Variants in EIF4ENIF1 observed in about 807,000 individuals in gnomAD.
EIF4ENIF1 encodes eukaryotic translation initiation factor 4E nuclear import factor 1.
EIF4ENIF1 carries 23 observed loss-of-function variants against 110.5 expected under a neutral mutation model. That is an observed-to-expected ratio of 0.21 (90% CI 0.15 to 0.29). EIF4ENIF1 has a LOEUF of 0.29. Ranked by LOEUF, EIF4ENIF1 falls within the 10% of genes least tolerant of loss-of-function variation. The probability of loss-of-function intolerance (pLI) is 1.00; values close to 1 mark genes in which losing one functional copy is unlikely to be tolerated. For synonymous variants in EIF4ENIF1, 440 were observed against 437.0 expected, an observed-to-expected ratio of 1.01 and a Z score of -0.09; for missense variants, 1,031 against 1,221.1, an observed-to-expected ratio of 0.84 and a Z score of 2.32.
chr22:31,456,622 C>G (rs528726779), intron 7 of EIF4ENIF1, among the ~76,000 whole-genome samples: 20 of 152,304 alleles, frequency 1.3e-4, no homozygotes, highest in South Asian at 1.2e-3. Flanking sequence ...TCAAGTGATT[C>G]TTATGCCTCA....
intron 6 of EIF4ENIF1, among the ~76,000 whole-genome samples, chr22:31,459,422 A>C (rs1260767423): frequency 6.6e-6 from 1 of 152,196 alleles, no homozygotes; most frequent in Non-Finnish European, 1.5e-5. Flanking sequence ...ACTTGCCTAC[A>C]GGTTGGTTGT....
chr22:31,490,378 T>C (rs1479550372), upstream of EIF4ENIF1, among the ~76,000 whole-genome samples: 2 of 152,232 alleles, frequency 1.3e-5, no homozygotes, highest in Non-Finnish European at 2.9e-5. Context: ...CTCAGCTGTT[T>C]TGCGAGTGGC....
intron 4 of EIF4ENIF1, among the ~76,000 whole-genome samples, chr22:31,467,894 T>C (rs1397189384): frequency 6.6e-6 from 1 of 152,182 alleles, no homozygotes; most frequent in Non-Finnish European, 1.5e-5. Flanking sequence ...CCAGCACAGC[T>C]TTATGCTACC....
chr22:31,466,001 C>A (rs2051173050), intron 4 of EIF4ENIF1, among the ~76,000 whole-genome samples: 1 of 152,188 alleles, frequency 6.6e-6, no homozygotes, highest in Non-Finnish European at 1.5e-5. Context: ...TCAGTCCGGA[C>A]ACTATGGCTC....
chr22:31,469,878 G>A (rs2051307024), intron 3 of EIF4ENIF1, among the ~76,000 whole-genome samples: 1 of 152,052 alleles, frequency 6.6e-6, no homozygotes, highest in East Asian at 1.9e-4. Flanking sequence ...AATATATTTT[G>A]TAGGCCAGAC....
At position 31,440,050 on chromosome 22, in the gene EIF4ENIF1, T is replaced by TGTG; in HGVS notation, c.2787_2788insCAC (p.Pro929_Ser930insHis). ...TGCATGTGGGGCAGGCCTGACCGGC[T>TGTG]GGGCACGTTCTGAGGGGTTGTCTGA... is the stretch of plus-strand genomic sequence containing the variant. On this transcript the variant is annotated inframe_insertion, in exon 19 of 19. Transcript: ENST00000330125. The TGTG allele has an allele frequency of 6.2e-7, 1 of 1,614,072 alleles. No individual in the cohort carries two copies. The highest frequency in any genetic ancestry group is 1.3e-5 in the African/African-American group (1 of 75,040).
chr22:31,475,855 C>CA (rs1216528306), intron 2 of EIF4ENIF1, among the ~76,000 whole-genome samples: 25 of 136,616 alleles, frequency 1.8e-4, no homozygotes, highest in Non-Finnish European at 3.7e-4. Flanking sequence ...GACCCTGTCT[C>CA]AAAAAAAGAA....
At chr22:31,447,234 C>A (rs1042238542) in intron 14 of EIF4ENIF1, among the ~76,000 whole-genome samples, 192 bp downstream of exon 14, 4 of 152,104 alleles carry the variant, frequency 2.6e-5, no homozygotes, top group Admixed American at 6.6e-5. Context: ...AAGCCCTATG[C>A]CTTGCAGTAG....
intron 17 of EIF4ENIF1, among the ~76,000 whole-genome samples, chr22:31,441,176 G>A (rs565775854): frequency 2.0e-5 from 3 of 152,108 alleles, no homozygotes; most frequent in South Asian, 2.1e-4. Flanking sequence ...CCTAGAACTC[G>A]GGAGAGGCAG....
chr22:31,470,539 A>G (rs1369487171), intron 3 of EIF4ENIF1, among the ~76,000 whole-genome samples: 1 of 152,088 alleles, frequency 6.6e-6, no homozygotes, highest in Non-Finnish European at 1.5e-5. Context: ...CTGGCCTCCC[A>G]AAGTGCTGGG....
Position 31,456,382 on chromosome 22 carries a change from C to T in EIF4ENIF1, c.964-395G>A, listed in dbSNP as rs906275301. On this transcript the variant is annotated intron_variant, in intron 7 of 18. Coordinates refer to ENST00000330125, the MANE Select transcript of EIF4ENIF1 (RefSeq NM_019843.4). ...GGGACTACAGGCGCCTGCCACCACGCCCGGCTAATTTTTTGTATTTTTAGT... is the reference window on the plus strand; with the variant it reads ...GGGACTACAGGCGCCTGCCACCACGTCCGGCTAATTTTTTGTATTTTTAGT... 5.9e-5 allele frequency among the ~76,000 whole-genome samples: 9 copies of T among 151,736 alleles called. No individual in the cohort carries two copies. In the East Asian group the frequency reaches 1.8e-3, roughly 30 times the overall value.
rs981207650 is a variant in EIF4ENIF1 at position 31,440,023 on chromosome 22, A to C, written c.2815T>G (p.Ser939Ala). 13 of 1,613,780 alleles carry C rather than the reference A, an allele frequency of 8.1e-6. No homozygotes were observed. The African/African-American group carries it at 1.2e-4, about 15-fold the overall frequency. Residue 939 changes from serine to alanine, a missense_variant, in exon 19 of 19, where the codon TCC becomes GCC. Transcript: ENST00000330125. ...TGGCTGGGGCGATGCTCCAGCTGGG[A>C]GTGCATGTGGGGCAGGCCTGACCGG... Reference protein sequence around the residue: ...PSRSGLPHMHSQLEHRPSQRS... With the variant: ...PSRSGLPHMHAQLEHRPSQRS...
At chr22:31,493,124 C>A (rs568405270), upstream of EIF4ENIF1, among the ~76,000 whole-genome samples, 1 of 149,890 alleles carries the variant, frequency 6.7e-6, no homozygotes, top group Non-Finnish European at 1.5e-5. Flanking sequence ...AGCTCTGCCC[C>A]CTGGGTTCAG....
At chr22:31,464,255 T>C (rs1569087981) in intron 4 of EIF4ENIF1, 1 of 318,478 alleles carries the variant, frequency 3.1e-6, no homozygotes, top group East Asian at 5.9e-5. Context: ...TAAGAATTAT[T>C]AGCAAATGTT....
intron 1 of EIF4ENIF1, 30 bp from the exon 2 acceptor site, chr22:31,488,775 C>T (rs1439854132): frequency 6.4e-7 from 1 of 1,568,704 alleles, no homozygotes; most frequent in Admixed American, 2.0e-5. Flanking sequence ...AAAATTGTCA[C>T]CGAGAACAGT....
Position 31,443,019 on chromosome 22 carries a change from C to G in EIF4ENIF1, c.2149G>C (p.Ala717Pro). 1 of 1,614,190 alleles carries G rather than the reference C, an allele frequency of 6.2e-7. No homozygotes were observed. The highest frequency in any genetic ancestry group is 2.2e-5 in the East Asian group (1 of 44,888). ...TCACCAAGAGCTGCTTTTCCAGATGCTGGCTCCTCCTTGCTTTTCTCTTTG... is the reference window on the plus strand; with the variant it reads ...TCACCAAGAGCTGCTTTTCCAGATGGTGGCTCCTCCTTGCTTTTCTCTTTG... ...ESKEKSKEEP[A>P]SGKAALGDSK... The change falls in exon 16 of 19, where the codon GCA becomes CCA. Residue 717 changes from alanine to proline, a missense_variant. This residue lies in a region of EIF4ENIF1 where 309 missense variants were observed against 299.1 expected (regional missense o/e 1.03). Coordinates refer to ENST00000330125, the MANE Select transcript of EIF4ENIF1 (RefSeq NM_019843.4).
intron 16 of EIF4ENIF1, among the ~76,000 whole-genome samples, chr22:31,442,493 C>T (rs1270618025): frequency 6.6e-6 from 1 of 152,138 alleles, no homozygotes; most frequent in African/African-American, 2.4e-5. Flanking sequence ...GTACTTTTAA[C>T]ACCTCTGTAA....
At chr22:31,491,904 C>T (rs974114014), upstream of EIF4ENIF1, among the ~76,000 whole-genome samples, 25 of 152,124 alleles carry the variant, frequency 1.6e-4, no homozygotes, top group African/African-American at 5.3e-4. Context: ...CCTACTGTTA[C>T]GTAACAAACC....
Position 31,439,919 on chromosome 22 carries a change from G to T in EIF4ENIF1, c.2919C>A (p.Ala973=), listed in dbSNP as rs774631497. ...CCAATTCATCTACACTGATAACTTT[G>T]GCGGGCATGGAGGGCAGGGGTTGCT... ...VLQQPLPSMP[A]KVISVDELEY... The change falls in exon 19 of 19, where the codon GCC becomes GCA. Residue 973 remains alanine, a synonymous_variant. Coordinates refer to ENST00000330125, the MANE Select transcript of EIF4ENIF1 (RefSeq NM_019843.4). 1 of 1,614,056 alleles carries T rather than the reference G, an allele frequency of 6.2e-7. No homozygotes were observed. Among genetic ancestry groups the T allele is most frequent in the Non-Finnish European group, 8.5e-7 (1 of 1,180,040 alleles).
Sources: gnomAD v4.1 joint callset for allele counts (sites outside exome capture counted in the v4.1 genomes callset) on GRCh38, gnomAD v4.1.1 for gene constraint, gnomAD v4.1.1 regional missense constraint, MANE v1.5 for transcripts, NCBI Gene and HGNC (gene_info 2026-07-23, HGNC 2026-07-21) for gene names.